Variants in SUMF1 observed in about 807,000 individuals in gnomAD.
The protein encoded by SUMF1 is sulfatase modifying factor 1.
In SUMF1, 48 loss-of-function variants were observed where a neutral mutation model predicts 47.6. The observed-to-expected ratio is 1.01, with a 90% CI of 0.80 to 1.28. The LOEUF is 1.28. SUMF1 is among the 50% of genes most tolerant of loss of function. The pLI is 0.00. For missense variants in SUMF1, 571 were observed against 485.4 expected, an observed-to-expected ratio of 1.18 and a Z score of -1.66; for synonymous variants, 230 against 192.1, an observed-to-expected ratio of 1.20 and a Z score of -1.63.
chr3:4,253,663 A>G (rs1575022943), intron 8 of SUMF1, among the ~76,000 whole-genome samples: 1 of 151,676 alleles, frequency 6.6e-6, no homozygotes, highest in Non-Finnish European at 1.5e-5. Context: ...ATCAAACTGC[A>G]AGGCGGCAGC....
intron 8 of SUMF1, among the ~76,000 whole-genome samples, chr3:4,293,858 TTA>T (rs1697788137): frequency 6.6e-6 from 1 of 152,210 alleles, no homozygotes; most frequent in Non-Finnish European, 1.5e-5. Flanking sequence ...GAAAAACTGT[TTA>T]TGTTTTCTAA....
intron 9 of SUMF1, among the ~76,000 whole-genome samples, chr3:4,054,287 A>G (rs1376420800): frequency 6.6e-6 from 1 of 152,186 alleles, no homozygotes; most frequent in Non-Finnish European, 1.5e-5. Context: ...CCAGAAACAA[A>G]ACAGCTTCAA....
intron 8 of SUMF1, among the ~76,000 whole-genome samples, chr3:4,321,845 G>C (rs985319541): frequency 6.6e-6 from 1 of 151,986 alleles, no homozygotes; most frequent in Non-Finnish European, 1.5e-5. Context: ...TGGAGGAAAG[G>C]GAGGGGAGCA....
chr3:4,064,464 C>A (rs186328111), intron 9 of SUMF1, among the ~76,000 whole-genome samples: 3 of 152,244 alleles, frequency 2.0e-5, no homozygotes, highest in Non-Finnish European at 4.4e-5. Flanking sequence ...ATAAGCCACA[C>A]CTTGTTTAGC....
At chr3:4,450,039 C>T (rs1559307821) in intron 2 of SUMF1, among the ~76,000 whole-genome samples, 1 of 152,116 alleles carries the variant, frequency 6.6e-6, no homozygotes, top group Non-Finnish European at 1.5e-5. Context: ...AGAGCTCTGC[C>T]CTTGGCTCTC....
Position 4,150,897 on chromosome 3 carries a change from G to A in SUMF1, c.1015-82152C>T, listed in dbSNP as rs141956351. Among the ~76,000 whole-genome samples the A allele has an allele frequency of 1.9e-3, 289 of 151,402 alleles. 15 individuals are homozygous for A. The highest frequency in any genetic ancestry group is 6.8e-3 in the African/African-American group (278 of 40,750). On this transcript the variant is annotated intron_variant and NMD_transcript_variant, in intron 8 of 12. Transcript: ENST00000448413. ...CCCCTGATATTATCAGGTTCCATAG[G>A]CTTTAGCTGTCTCCCTGTGCCCCAA...
chr3:4,072,775 G>A (rs538886539), intron 8 of SUMF1, among the ~76,000 whole-genome samples: 22 of 152,198 alleles, frequency 1.4e-4, no homozygotes, highest in African/African-American at 5.1e-4. Context: ...GAGAAGACAA[G>A]ATTAGAGAAA....
rs775343012 is a variant in SUMF1 at position 4,456,454 on chromosome 3, G to GT, written c.271-3406dup. 3.1e-3 allele frequency among the ~76,000 whole-genome samples: 410 copies of GT among 134,042 alleles called. 6 individuals are homozygous for GT. The highest frequency in any genetic ancestry group is 7.5e-3 in the African/African-American group (271 of 35,918). 87.9% of individuals were successfully genotyped at this position (134,042 alleles called of 152,430 possible). Reference sequence around the variant, plus strand: ...GACTGTAGATGCCATGTTTTTCTTTGTTTTTTTTTTTTTTTGAGACGGAGT... The same window carrying GT: ...GACTGTAGATGCCATGTTTTTCTTTGTTTTTTTTTTTTTTTTGAGACGGAGT... On this transcript the variant is annotated intron_variant, in intron 1 of 8. Transcript: ENST00000272902.
At chr3:4,329,594 C>A (rs1699010489) in intron 8 of SUMF1, among the ~76,000 whole-genome samples, 1 of 152,174 alleles carries the variant, frequency 6.6e-6, no homozygotes, top group Non-Finnish European at 1.5e-5. Flanking sequence ...TGGGCCCAGC[C>A]CACAAAACCA....
At chr3:4,211,169 C>CAT (rs1443669369) in intron 8 of SUMF1, among the ~76,000 whole-genome samples, 21 of 117,442 alleles carry the variant, frequency 1.8e-4, no homozygotes, top group African/African-American at 6.9e-4. Context: ...CATATATATA[C>CAT]ACACATATAT....
At chr3:4,336,825 T>C (rs1311856669) in intron 8 of SUMF1, among the ~76,000 whole-genome samples, 2 of 152,242 alleles carry the variant, frequency 1.3e-5, no homozygotes, top group African/African-American at 4.8e-5. Context: ...ATTCTTGTGG[T>C]TATGAAGACA....
At chr3:4,276,951 G>A (rs137946876) in intron 8 of SUMF1, among the ~76,000 whole-genome samples, 2 of 152,226 alleles carry the variant, frequency 1.3e-5, no homozygotes, top group African/African-American at 4.8e-5. Context: ...TCAGCCTTCA[G>A]GATGTTCTGA....
At chr3:4,191,745 C>G (rs1407533366) in intron 8 of SUMF1, among the ~76,000 whole-genome samples, 2 of 152,016 alleles carry the variant, frequency 1.3e-5, no homozygotes, top group Admixed American at 6.6e-5. Context: ...AGTAATAATG[C>G]TACATCAGGA....
At position 4,085,778 on chromosome 3, in the gene SUMF1, G is replaced by A. The variant is rs149402385; in HGVS notation, c.1015-17033C>T. ...AACTACAAACATGAGACATGCAGTT[G>A]TTTTAATATAAAGCCCAAAAGTGGA... On this transcript the variant is annotated intron_variant and NMD_transcript_variant, in intron 8 of 12. Transcript: ENST00000448413. 1.8e-4 allele frequency among the ~76,000 whole-genome samples: 27 copies of A among 152,116 alleles called. No individual in the cohort carries two copies. The East Asian group carries it at 4.8e-3, about 27-fold the overall frequency.
At chr3:4,148,983 C>T (rs1694256131) in intron 8 of SUMF1, among the ~76,000 whole-genome samples, 1 of 150,874 alleles carries the variant, frequency 6.6e-6, no homozygotes, top group Non-Finnish European at 1.5e-5. Flanking sequence ...ACCTATCATC[C>T]CATTTAGTTG....
intron 8 of SUMF1, among the ~76,000 whole-genome samples, chr3:4,269,837 C>T (rs1042695429): frequency 6.6e-6 from 1 of 152,154 alleles, no homozygotes; most frequent in Non-Finnish European, 1.5e-5. Context: ...TCTCATCCTT[C>T]TCTGGACAGA....
intron 8 of SUMF1, among the ~76,000 whole-genome samples, chr3:4,226,264 C>CTTTTTTTTTTTTTTTTTTTTTTTT (rs869300368): frequency 3.4e-5 from 3 of 86,978 alleles, no homozygotes; most frequent in African/African-American, 4.5e-5. Context: ...TTTTTTGTTT[C>CTTTTTTTTTTTTTTTTTTTTTTTT]TTTTTTTTTT....
chr3:4,443,785 G>A (rs1362913571), intron 3 of SUMF1, among the ~76,000 whole-genome samples: 1 of 151,666 alleles, frequency 6.6e-6, no homozygotes, highest in Non-Finnish European at 1.5e-5. Flanking sequence ...AAAGAAAAAA[G>A]AGAGAGAAAA....
intron 8 of SUMF1, among the ~76,000 whole-genome samples, chr3:4,251,551 G>A (rs1417018143): frequency 6.6e-6 from 1 of 152,162 alleles, no homozygotes; most frequent in South Asian, 2.1e-4. Flanking sequence ...TTTTCTGAAA[G>A]AGAAAGTCCA....
Sources: gnomAD v4.1 joint callset for allele counts (sites outside exome capture counted in the v4.1 genomes callset) on GRCh38, gnomAD v4.1.1 for gene constraint, MANE v1.5 for transcripts, NCBI Gene and HGNC (gene_info 2026-07-23, HGNC 2026-07-21) for gene names.